ATXN7: variants seen among roughly 807,000 people sequenced by gnomAD.
ATXN7 encodes ataxin 7.
Under a neutral mutation model 70.5 loss-of-function variants are expected in ATXN7, and 12 were observed. The observed-to-expected ratio is 0.17, with a 90% CI of 0.11 to 0.28. The LOEUF (loss-of-function observed/expected upper bound fraction) is 0.28, where lower values mean the gene tolerates loss of function less well. Among genes scored for constraint, ATXN7 ranks in the 10% least tolerant of loss-of-function variants. The pLI, the probability that ATXN7 is intolerant of heterozygous loss-of-function variation, is 1.00. For missense variants in ATXN7, 1,256 were observed against 1,131.7 expected, an observed-to-expected ratio of 1.11 and a Z score of -1.58; for synonymous variants, 498 against 448.7, an observed-to-expected ratio of 1.11 and a Z score of -1.39.
In ATXN7 at chr3:63,999,479, A is replaced by G. The variant is rs1275131150; in HGVS notation, c.*12A>G. 4 of 1,613,996 alleles carry G rather than the reference A, an allele frequency of 2.5e-6. No individual in the cohort carries two copies. Among genetic ancestry groups the G allele is most frequent in the Non-Finnish European group, 3.4e-6 (4 of 1,179,984 alleles). ...AGGCACGTCCCTGACAGCTGAAAAT[A>G]GCACGGGGAGGAATAATGCGGACAC... On this transcript the variant is annotated 3_prime_UTR_variant, in exon 13 of 13. Transcript: ENST00000674280.
chr3:63,964,337 A>C (rs570637731), intron 5 of ATXN7, among the ~76,000 whole-genome samples: 1 of 152,288 alleles, frequency 6.6e-6, no homozygotes, highest in East Asian at 1.9e-4. Context: ...GCAAAATGTG[A>C]GGCCTCCTAG....
chr3:63,955,445 C>T (rs2075024315), intron 5 of ATXN7, among the ~76,000 whole-genome samples: 1 of 152,056 alleles, frequency 6.6e-6, no homozygotes, highest in African/African-American at 2.4e-5. Context: ...TAGAGGGAGG[C>T]ACCATGTGGT....
chr3:63,885,913 A>C (rs1301166076), intron 1 of ATXN7, among the ~76,000 whole-genome samples: 1 of 152,202 alleles, frequency 6.6e-6, no homozygotes, highest in Non-Finnish European at 1.5e-5. Context: ...GCTACTTGAG[A>C]GGCTGAGCCA....
At position 64,003,313 on chromosome 3, in the gene ATXN7, C is replaced by T. The variant is rs2075855947; in HGVS notation, c.*3846C>T. On this transcript the variant is annotated 3_prime_UTR_variant, in exon 13 of 13. Coordinates refer to ENST00000674280, the MANE Select transcript of ATXN7 (RefSeq NM_001377405.1). ...GTACACATAATCAAGAGCATCTCAG[C>T]TGGACTTTGTGTTGGCTGCTGTATA... is the stretch of plus-strand genomic sequence containing the variant. 1 of 148,602 alleles carries T rather than the reference C, an allele frequency of 6.7e-6. No individual in the cohort carries two copies. Among genetic ancestry groups the T allele is most frequent in the South Asian group, 2.1e-4 (1 of 4,790 alleles). The allele number at this position is 148,602 out of a possible 1,614,324, so 9.2% of individuals were successfully genotyped here.
At chr3:63,959,147 T>G (rs1318369453) in intron 5 of ATXN7, among the ~76,000 whole-genome samples, 2 of 152,254 alleles carry the variant, frequency 1.3e-5, no homozygotes, top group Non-Finnish European at 2.9e-5. Flanking sequence ...TTTATTTAAT[T>G]CTAAATCATA....
At position 63,988,162 on chromosome 3, in the gene ATXN7, G is replaced by A. The variant is rs771833920; in HGVS notation, c.1199G>A (p.Arg400His). Residue 400 changes from arginine to histidine, a missense_variant, in exon 9 of 13, where the codon CGC becomes CAC. Arg to His is a conservative substitution (Grantham distance 29). Coordinates refer to ENST00000674280, the MANE Select transcript of ATXN7 (RefSeq NM_001377405.1). Reference protein sequence around the residue: ...KNKTREKELIRHPDSQQPPQP... With the variant: ...KNKTREKELIHHPDSQQPPQP... ...AAAACCAGGGAAAAGGAATTGATTC[G>A]CCATCCGGACTCTCAGCAACCACCG... is the stretch of plus-strand genomic sequence containing the variant. 14 of 1,613,986 alleles carry A rather than the reference G, an allele frequency of 8.7e-6. No individual in the cohort carries two copies. Among genetic ancestry groups the A allele is most frequent in the East Asian group, 2.2e-5 (1 of 44,876 alleles).
intron 4 of ATXN7, among the ~76,000 whole-genome samples, chr3:63,930,946 C>A (rs1052292615): frequency 6.6e-6 from 1 of 152,146 alleles, no homozygotes; most frequent in African/African-American, 2.4e-5. Flanking sequence ...AGAACTTGCG[C>A]ATTGATTTTG....
At chr3:63,909,856 C>G (rs2107288153) in intron 2 of ATXN7, among the ~76,000 whole-genome samples, 1 of 152,206 alleles carries the variant, frequency 6.6e-6, no homozygotes, top group Non-Finnish European at 1.5e-5. Flanking sequence ...AGTAAGTTTC[C>G]TAAGGGATTG....
In ATXN7 at chr3:63,964,055, A is replaced by G. The variant is rs765251822; in HGVS notation, c.499+11572A>G. 6.1e-4 allele frequency among the ~76,000 whole-genome samples: 89 copies of G among 145,492 alleles called. 2 individuals carry two copies. Among genetic ancestry groups the G allele is most frequent in the Non-Finnish European group, 9.4e-4 (63 of 67,104 alleles). ...ATTTAATTTTCTAAAGCCTCTTACA[A>G]TGTTCCTTAGACACATAAACACACA... On this transcript the variant is annotated intron_variant, in intron 5 of 12. Coordinates refer to ENST00000674280, the MANE Select transcript of ATXN7 (RefSeq NM_001377405.1).
In ATXN7 at chr3:63,996,289, T is replaced by C. The variant is rs199618575; in HGVS notation, c.2467T>C (p.Ser823Pro). 1.9e-6 allele frequency: 3 copies of C among 1,614,136 alleles called. No individual in the cohort carries two copies. The highest frequency in any genetic ancestry group is 2.5e-6 in the Non-Finnish European group (3 of 1,180,030). Reference sequence around the variant, plus strand: ...GCCTGTCAACTCCCACGGCAGTTTTTCCCACTCACACACTCCTCTAGACAA... The same window carrying C: ...GCCTGTCAACTCCCACGGCAGTTTTCCCCACTCACACACTCCTCTAGACAA... ...ELPVNSHGSF[S>P]HSHTPLDKLI... Residue 823 changes from serine to proline, a missense_variant, in exon 12 of 13, where the codon TCC becomes CCC. Ser to Pro is a moderately conservative substitution (Grantham distance 74). Coordinates refer to ENST00000674280, the MANE Select transcript of ATXN7 (RefSeq NM_001377405.1).
rs374971427 is a variant in ATXN7, at chr3:63,996,132, C to T, written c.2310C>T (p.Val770=). ...CGAATAAAGCAAATGCGGTGAACGT[C>T]CGGCATGACCAGTCAGGGAGGGGCC... is the stretch of plus-strand genomic sequence containing the variant. ...CVTNKANAVN[V]RHDQSGRGPP... Residue 770 remains valine, a synonymous_variant, in exon 12 of 13, where the codon GTC becomes GTT. Coordinates refer to ENST00000674280, the MANE Select transcript of ATXN7 (RefSeq NM_001377405.1). 6.1e-5 allele frequency: 99 copies of T among 1,614,056 alleles called. No individual in the cohort carries two copies. The Middle Eastern group carries it at 8.2e-4, about 13-fold the overall frequency.
intron 4 of ATXN7, among the ~76,000 whole-genome samples, chr3:63,929,110 T>G (rs538344979): frequency 7.2e-5 from 11 of 152,084 alleles, no homozygotes; most frequent in Non-Finnish European, 1.2e-4. Context: ...TGAAAACAAT[T>G]CAGAAATTAA....
rs375282353 is a variant in ATXN7 at position 63,983,143 on chromosome 3, T to G, written c.1095+122T>G. ...ATGCTCTGTGGATTGTTGTGAATTG[T>G]GTAGGTGAAGGAATAACTTGGTTCT... On this transcript the variant is annotated intron_variant, in intron 8 of 12. Transcript: ENST00000674280. 137 of 799,558 alleles carry G rather than the reference T, an allele frequency of 1.7e-4. No individual in the cohort carries two copies. The East Asian group carries it at 2.7e-3, about 16-fold the overall frequency. 49.5% of individuals were successfully genotyped at this position (799,558 alleles called of 1,614,324 possible).
intron 4 of ATXN7, among the ~76,000 whole-genome samples, chr3:63,948,041 T>G (rs2074892478): frequency 6.6e-6 from 1 of 151,872 alleles, no homozygotes; most frequent in African/African-American, 2.4e-5. Context: ...AACAGGGGAG[T>G]GATGTGATCT....
At chr3:63,917,841 T>A (rs1001987127) in intron 4 of ATXN7, among the ~76,000 whole-genome samples, 1 of 152,198 alleles carries the variant, frequency 6.6e-6, no homozygotes, top group Non-Finnish European at 1.5e-5. Context: ...AATGACCAAT[T>A]TTTCATTGTA....
At chr3:63,900,173 G>T (rs1703583607) in intron 2 of ATXN7, among the ~76,000 whole-genome samples, 1 of 152,164 alleles carries the variant, frequency 6.6e-6, no homozygotes, top group Non-Finnish European at 1.5e-5. Flanking sequence ...TTTAAGATGA[G>T]TCATTAAAGA....
At chr3:63,903,701 G>GC (rs1703735503) in intron 2 of ATXN7, 1 of 152,072 alleles carries the variant, frequency 6.6e-6, no homozygotes, top group Admixed American at 6.6e-5. Context: ...TCTTCCTTTT[G>GC]CAGAGGAGCT....
chr3:63,956,600 G>T (rs1465468753), intron 5 of ATXN7, among the ~76,000 whole-genome samples: 1 of 152,094 alleles, frequency 6.6e-6, no homozygotes, highest in African/African-American at 2.4e-5. Flanking sequence ...AATTTCCAGA[G>T]ATAGAACCCA....
At position 63,979,955 on chromosome 3, in the gene ATXN7, T is replaced by A; in HGVS notation, c.540T>A (p.Val180=). Residue 180 remains valine (V), a synonymous_variant, in exon 6 of 13, where the codon GTT becomes GTA. Coordinates refer to ENST00000674280, the MANE Select transcript of ATXN7 (RefSeq NM_001377405.1). ...CATCCAGCAAGCCGCCTTTGGCCGT[T>A]CCTCCCACTTCAGTATTTTCCTTCT... The part of the protein sequence containing the change: ...HSSSSKPPLA[V]PPTSVFSFFP... The A allele has an allele frequency of 1.2e-6, 2 of 1,614,238 alleles. No homozygotes were observed. The highest frequency in any genetic ancestry group is 1.7e-6 in the Non-Finnish European group (2 of 1,180,044).
Sources: gnomAD v4.1 joint callset for allele counts (sites outside exome capture counted in the v4.1 genomes callset) on GRCh38, gnomAD v4.1.1 for gene constraint, MANE v1.5 for transcripts, NCBI Gene and HGNC (gene_info 2026-07-23, HGNC 2026-07-21) for gene names.